CALN1: variants seen among roughly 807,000 people sequenced by gnomAD.
CALN1 encodes calcium-binding protein 8.
Under a neutral mutation model 30.6 loss-of-function variants are expected in CALN1, and 17 were observed. That is an observed-to-expected ratio of 0.56 (90% CI 0.38 to 0.83). The LOEUF is 0.83. Among genes scored for constraint, CALN1 ranks in the 40% least tolerant of loss-of-function variants. The pLI is 0.00. For synonymous variants in CALN1, 156 were observed against 131.4 expected, an observed-to-expected ratio of 1.19 and a Z score of -1.28; for missense variants, 291 against 354.9, an observed-to-expected ratio of 0.82 and a Z score of 1.45.
At chr7:72,209,332 C>T (rs1792188111) in intron 3 of CALN1, among the ~76,000 whole-genome samples, 5 of 74,864 alleles carry the variant, frequency 6.7e-5, no homozygotes, top group Non-Finnish European at 9.8e-5. Flanking sequence ...TTCCCTCTTT[C>T]CTTCCCTCTT....
rs576444764 is a variant in CALN1, at chr7:72,437,929, C to T, written c.-226+9113G>A. 2.0e-5 allele frequency among the ~76,000 whole-genome samples: 3 copies of T among 148,408 alleles called. No individual in the cohort carries two copies. The South Asian group carries it at 6.5e-4, about 32-fold the overall frequency. ...CTCCTTCCCTTCCCTCTCTCCCTTC[C>T]TTCCCTCTCTCCCTTCCTTCCTTCC... On this transcript the variant is annotated intron_variant, in intron 1 of 6. Coordinates refer to the CALN1 transcript ENST00000395276.
At chr7:71,980,622 C>T (rs1445078749) in intron 5 of CALN1, among the ~76,000 whole-genome samples, 1 of 152,122 alleles carries the variant, frequency 6.6e-6, no homozygotes, top group Non-Finnish European at 1.5e-5. Flanking sequence ...GTCCAGTGGG[C>T]GATAGAAGGG....
At chr7:71,945,197 C>T (rs1348014444) in intron 5 of CALN1, among the ~76,000 whole-genome samples, 3 of 151,026 alleles carry the variant, frequency 2.0e-5, no homozygotes, top group African/African-American at 7.4e-5. Context: ...TGAATAAAAG[C>T]TTCCCAAGGC....
chr7:72,138,725 G>A (rs1398139256), intron 3 of CALN1, among the ~76,000 whole-genome samples: 1 of 152,166 alleles, frequency 6.6e-6, no homozygotes, highest in Non-Finnish European at 1.5e-5. Flanking sequence ...ACGACAATAT[G>A]CCTGATAAAA....
chr7:72,442,124 A>G (rs566231673), intron 1 of CALN1, among the ~76,000 whole-genome samples: 150 of 152,176 alleles, frequency 9.9e-4, no homozygotes, highest in African/African-American at 3.3e-3. Context: ...AAAAGTTCAG[A>G]ATCCTAGCAC....
rs190657841 is a variant in CALN1, at chr7:71,779,511, T to C, written c.*8264A>G. ...TCTTGTCAAAAGAAAAAAAAACTTT[T>C]ATTTTTTCTATTGCATAAATAATGG... On this transcript the variant is annotated 3_prime_UTR_variant, in exon 7 of 7. Coordinates refer to ENST00000395275, the MANE Select transcript of CALN1 (RefSeq NM_031468.4). 6.6e-6 allele frequency: 1 copy of C among 152,070 alleles called. No homozygotes were observed. Among genetic ancestry groups the C allele is most frequent in the Non-Finnish European group, 1.5e-5 (1 of 68,046 alleles). 9.4% of individuals were successfully genotyped at this position (152,070 alleles called of 1,614,324 possible).
chr7:72,109,572 T>G (rs1171827414), intron 3 of CALN1, among the ~76,000 whole-genome samples: 1 of 152,202 alleles, frequency 6.6e-6, no homozygotes, highest in Non-Finnish European at 1.5e-5. Context: ...GCTTTTCCCA[T>G]CAATGAAATA....
intron 5 of CALN1, among the ~76,000 whole-genome samples, chr7:71,824,797 T>C (rs377405554): frequency 8.5e-5 from 13 of 152,160 alleles, no homozygotes; most frequent in Admixed American, 7.9e-4. Flanking sequence ...GCCTGGACGA[T>C]CAATGGGTCA....
intron 5 of CALN1, among the ~76,000 whole-genome samples, chr7:71,857,009 T>C (rs2116631284): frequency 7.8e-6 from 1 of 128,308 alleles, no homozygotes; most frequent in Non-Finnish European, 1.6e-5. Flanking sequence ...TCATGGTGTG[T>C]ATATGTATGT....
chr7:72,496,889 A>G, the CALN1 span, among the ~76,000 whole-genome samples: 1 of 152,182 alleles, frequency 6.6e-6, no homozygotes, highest in East Asian at 1.9e-4. Flanking sequence ...CTAAAGTTTT[A>G]TTAGGGCTTA....
the CALN1 span, among the ~76,000 whole-genome samples, chr7:72,474,791 C>A: frequency 6.6e-6 from 1 of 152,186 alleles, no homozygotes; most frequent in Non-Finnish European, 1.5e-5. Context: ...GACCGTCTCC[C>A]TCCTGCCTCT....
At chr7:72,085,833 G>A (rs1441185888) in intron 4 of CALN1, among the ~76,000 whole-genome samples, 8 of 151,898 alleles carry the variant, frequency 5.3e-5, no homozygotes, top group Non-Finnish European at 1.0e-4. Flanking sequence ...AGAGGCTGAA[G>A]AAAACAAAGA....
chr7:71,945,483 G>C (rs1796359431), intron 5 of CALN1, among the ~76,000 whole-genome samples: 1 of 152,234 alleles, frequency 6.6e-6, no homozygotes, highest in Non-Finnish European at 1.5e-5. Flanking sequence ...ACCAGCACCA[G>C]TCTGTGGCCT....
In CALN1 at chr7:71,950,968, A is replaced by G. The variant is rs548289640; in HGVS notation, c.501+72689T>C. On this transcript the variant is annotated intron_variant, in intron 5 of 6. Transcript: ENST00000395275. ...CCTCTCTGAGAAGCCTGCCCTAACC[A>G]GGCATTCCTGAATAGGCCCCCGTCT... Among the ~76,000 whole-genome samples the G allele has an allele frequency of 1.4e-4, 21 of 152,268 alleles. No homozygotes were observed. In the East Asian group the frequency reaches 3.9e-3, roughly 28 times the overall value.
intron 3 of CALN1, among the ~76,000 whole-genome samples, chr7:72,133,682 G>A (rs1043371600): frequency 1.3e-5 from 2 of 152,108 alleles, no homozygotes; most frequent in East Asian, 1.9e-4. Flanking sequence ...AAAGCCTGGC[G>A]GACTCCACCT....
chr7:72,427,951 A>C (rs922106019), intron 1 of CALN1, among the ~76,000 whole-genome samples: 1 of 151,962 alleles, frequency 6.6e-6, no homozygotes, highest in Non-Finnish European at 1.5e-5. Flanking sequence ...CCAGCAGCCT[A>C]GCTCCTTCTT....
chr7:72,055,276 T>C (rs769744758), intron 4 of CALN1, among the ~76,000 whole-genome samples: 10 of 152,166 alleles, frequency 6.6e-5, no homozygotes, highest in Non-Finnish European at 1.3e-4. Flanking sequence ...TTTGGCAGTC[T>C]AACTCCAGAG....
intron 3 of CALN1, among the ~76,000 whole-genome samples, chr7:72,126,421 T>C (rs562633550): frequency 4.2e-5 from 6 of 141,898 alleles, no homozygotes; most frequent in African/African-American, 1.5e-4. Flanking sequence ...ACAAGGCTTG[T>C]TGGCTGCTAT....
chr7:72,270,603 C>T (rs1274414965), intron 3 of CALN1, among the ~76,000 whole-genome samples: 1 of 151,912 alleles, frequency 6.6e-6, no homozygotes, highest in Non-Finnish European at 1.5e-5. Context: ...GACACCCCAT[C>T]TCTAAAAAAA....
Sources: gnomAD v4.1 joint callset for allele counts (sites outside exome capture counted in the v4.1 genomes callset) on GRCh38, gnomAD v4.1.1 for gene constraint, MANE v1.5 for transcripts, NCBI Gene and HGNC (gene_info 2026-07-23, HGNC 2026-07-21) for gene names.